The following PGR variants were observed in gnomAD, a reference collection of about 807,000 sequenced individuals.
PGR encodes the protein nuclear receptor subfamily 3 group C member 3.
PGR carries 25 observed loss-of-function variants against 76.1 expected under a neutral mutation model. The ratio of observed to expected loss-of-function variants is 0.33; its 90% CI spans 0.24 to 0.46. The LOEUF (loss-of-function observed/expected upper bound fraction) is 0.46. Ranked by LOEUF, PGR falls within the 20% of genes least tolerant of loss-of-function variation. The probability of loss-of-function intolerance (pLI) is 1.00; values close to 1 mark genes in which losing one functional copy is unlikely to be tolerated. For missense variants in PGR, 1,172 were observed against 1,225.3 expected, an observed-to-expected ratio of 0.96 and a Z score of 0.65; for synonymous variants, 579 against 535.0, an observed-to-expected ratio of 1.08 and a Z score of -1.14.
intron 7 of PGR, among the ~76,000 whole-genome samples, chr11:101,039,559 GTT>G: frequency 6.6e-6 from 1 of 151,098 alleles, no homozygotes; most frequent in African/African-American, 2.4e-5. Context: ...TATTACTCAA[GTT>G]TTTTTTTCTT....
intron 3 of PGR, 124 bp from the exon 4 acceptor site, chr11:101,062,876 A>AAATC: frequency 7.0e-6 from 2 of 283,704 alleles, no homozygotes; most frequent in East Asian, 2.2e-4. Context: ...CGAATGAAAT[A>AAATC]GAATAAAAGT....
At chr11:101,051,622 A>C in intron 4 of PGR, 54 bp from the exon 5 acceptor site, 1 of 1,268,730 alleles carries the variant, frequency 7.9e-7, no homozygotes, top group Non-Finnish European at 1.2e-6. Flanking sequence ...AATTATCTCA[A>C]AAATGTTGAA....
chr11:101,073,423 C>T (rs148984022), intron 3 of PGR, among the ~76,000 whole-genome samples: 14 of 151,520 alleles, frequency 9.2e-5, no homozygotes, highest in African/African-American at 2.7e-4. Flanking sequence ...AAAGAACTAG[C>T]GAAGCAAGAG....
intron 3 of PGR, among the ~76,000 whole-genome samples, chr11:101,069,367 C>T (rs1420637784): frequency 6.6e-6 from 1 of 152,170 alleles, no homozygotes; most frequent in African/African-American, 2.4e-5. Context: ...ACAACAGATG[C>T]TGGAGAGGAT....
At chr11:101,078,719 G>A (rs528606346) in intron 3 of PGR, among the ~76,000 whole-genome samples, 5 of 152,166 alleles carry the variant, frequency 3.3e-5, no homozygotes, top group Non-Finnish European at 4.4e-5. Context: ...ACATAGCCAC[G>A]GAAGCAGATA....
intron 2 of PGR, among the ~76,000 whole-genome samples, chr11:101,095,993 T>C (rs771901277): frequency 1.3e-5 from 2 of 152,152 alleles, no homozygotes; most frequent in Non-Finnish European, 2.9e-5. Flanking sequence ...GCAGACAATG[T>C]ATGAGGTAGG....
intron 2 of PGR, among the ~76,000 whole-genome samples, chr11:101,125,425 C>G (rs1160949762): frequency 6.6e-6 from 1 of 152,074 alleles, no homozygotes; most frequent in African/African-American, 2.4e-5. Flanking sequence ...ATCCTGTCCT[C>G]TTATACACTT....
intron 7 of PGR, chr11:101,041,734 T>C (rs1859699388): frequency 1.8e-6 from 1 of 553,830 alleles, no homozygotes; most frequent in African/African-American, 1.9e-5. Context: ...CCTCACATTA[T>C]ACAAATACTT....
At chr11:101,091,715 T>C in intron 3 of PGR, 45 bp downstream of exon 3, 3 of 967,282 alleles carry the variant, frequency 3.1e-6, no homozygotes, top group East Asian at 2.4e-5. Flanking sequence ...AGTTTTATAG[T>C]ATAAAGATTA....
rs1306853563 is a variant in PGR, at chr11:101,034,697, G to T, written c.*4419C>A. On this transcript the variant is annotated 3_prime_UTR_variant, in exon 8 of 8. Transcript: ENST00000325455. The stretch of plus-strand genomic sequence containing the variant: ...CTTTCCTAAGTTTATTAATAAATAG[G>T]GATGTGATCCAACCTGAACTCAATA... 2 of 172,686 alleles carry T rather than the reference G, an allele frequency of 1.2e-5. No homozygotes were observed. The highest frequency in any genetic ancestry group is 2.5e-5 in the Non-Finnish European group (2 of 79,804). The allele number at this position is 172,686 out of a possible 1,614,324, so 10.7% of individuals were successfully genotyped here.
Position 101,127,726 on chromosome 11 carries a change from A to C in PGR, c.1345T>G (p.Ser449Ala). ...GTCGACCCCGAGGAGGACGCAGACG[A>C]GACTGAGGCACTGGCGGGTGCGGCC... ...VTAAPASASV[S>A]SASSSGSTLE... is the part of the protein sequence containing the mutation. Residue 449 changes from serine to alanine, a missense_variant, in exon 1 of 8, where the codon TCG becomes GCG. Physicochemically the swap from Ser to Ala is moderately conservative, Grantham distance 99. Around this residue, in one of 4 missense-constraint regions of PGR, gnomAD observed 893 missense variants for 785.9 expected, o/e 1.14. Coordinates refer to ENST00000325455, the MANE Select transcript of PGR (RefSeq NM_000926.4). 6.3e-7 allele frequency: 1 copy of C among 1,586,002 alleles called. No homozygotes were observed. The highest frequency in any genetic ancestry group is 1.1e-5 in the South Asian group (1 of 89,016).
chr11:101,062,754 T>A lies in PGR; in HGVS notation c.1907-2A>T. ...TATTGAACTTTTTAAATTTTCGACCTACAGAGAAGAAAAAAAAGAAATTCA... is the reference window on the plus strand; with the variant it reads ...TATTGAACTTTTTAAATTTTCGACCAACAGAGAAGAAAAAAAAGAAATTCA... On this transcript the variant is annotated splice_acceptor_variant, in intron 3 of 7. Coordinates refer to ENST00000325455, the MANE Select transcript of PGR (RefSeq NM_000926.4). LOFTEE classifies it high-confidence loss of function. 6.2e-7 allele frequency: 1 copy of A among 1,605,660 alleles called. No individual in the cohort carries two copies. The highest frequency in any genetic ancestry group is 8.5e-7 in the Non-Finnish European group (1 of 1,175,972).
chr11:101,057,556 G>A lies in PGR; in HGVS notation c.2212+4891C>T, dbSNP rs577405734. ...GGGGGTAGAATAGAGGATCATTTGG[G>A]CACCACGTGAAATTGATGGTAATAG... is the stretch of plus-strand genomic sequence containing the variant. On this transcript the variant is annotated intron_variant, in intron 4 of 7. Transcript: ENST00000325455. Among the ~76,000 whole-genome samples the A allele has an allele frequency of 1.1e-4, 16 of 152,238 alleles. No homozygotes were observed. In the South Asian group the frequency reaches 2.1e-3, roughly 20 times the overall value.
chr11:101,064,238 G>A (rs1422686193), intron 3 of PGR, among the ~76,000 whole-genome samples: 1 of 145,890 alleles, frequency 6.9e-6, no homozygotes. Flanking sequence ...GGCTGAGGCA[G>A]GAAAATCACT....
At chr11:101,072,484 C>T (rs535789344) in intron 3 of PGR, among the ~76,000 whole-genome samples, 59 of 152,216 alleles carry the variant, frequency 3.9e-4, no homozygotes, top group African/African-American at 1.4e-3. Context: ...ATACTATTAC[C>T]CTTAAATGTA....
chr11:101,064,129 G>C (rs1051012317), intron 3 of PGR: 1 of 151,780 alleles, frequency 6.6e-6, no homozygotes, highest in Non-Finnish European at 1.5e-5. Context: ...TCAGAAGTTC[G>C]AGACCAGCCT....
At chr11:101,122,497 C>G (rs922870541) in intron 2 of PGR, among the ~76,000 whole-genome samples, 2 of 152,172 alleles carry the variant, frequency 1.3e-5, no homozygotes, top group Admixed American at 6.5e-5. Context: ...ATTTGTAGGA[C>G]TGGCAGGTCA....
intron 3 of PGR, among the ~76,000 whole-genome samples, chr11:101,068,898 C>A (rs746088774): frequency 1.3e-4 from 20 of 152,172 alleles, no homozygotes; most frequent in Non-Finnish European, 2.2e-4. Context: ...AACATAAGAC[C>A]TAAAACCATA....
intron 2 of PGR, among the ~76,000 whole-genome samples, chr11:101,115,018 G>A (rs1862458131): frequency 6.6e-6 from 1 of 152,142 alleles, no homozygotes; most frequent in Non-Finnish European, 1.5e-5. Flanking sequence ...CTTTAAAGCA[G>A]TGGTAAGCTA....
Sources: allele counts gnomAD v4.1 joint callset (sites outside exome capture counted in the v4.1 genomes callset), GRCh38; gene constraint gnomAD v4.1.1; regional missense constraint gnomAD v4.1.1; transcripts MANE v1.5; gene names NCBI Gene and HGNC (gene_info 2026-07-23, HGNC 2026-07-21).